Variants in DNM3 observed in about 807,000 individuals in gnomAD.
The protein encoded by DNM3 is dynamin 3, also known as dynamin-3.
DNM3 carries 47 observed loss-of-function variants against 101.6 expected under a neutral mutation model. The observed-to-expected ratio is 0.46, with a 90% CI of 0.37 to 0.59. The LOEUF (loss-of-function observed/expected upper bound fraction) is 0.59, where lower values mean the gene tolerates loss of function less well. DNM3 is among the 20% of genes least tolerant of loss of function. The probability of loss-of-function intolerance (pLI) is 0.00; values close to 1 mark genes in which losing one functional copy is unlikely to be tolerated. For missense variants in DNM3, 849 were observed against 1,085.7 expected (o/e 0.78, Z 3.06); for synonymous variants, 385 against 387.9 (o/e 0.99, Z 0.09).
At chr1:171,932,066 TCCTCCCTC>T (rs1338425432) in intron 2 of DNM3, among the ~76,000 whole-genome samples, 1 of 78,702 alleles carries the variant, frequency 1.3e-5, no homozygotes, top group Non-Finnish European at 2.4e-5. Flanking sequence ...CTCCCTCCAT[TCCTCCCTC>T]CCTCCCTCCC....
intron 20 of DNM3, among the ~76,000 whole-genome samples, chr1:172,398,770 T>C (rs2070228128): frequency 1.3e-5 from 2 of 152,134 alleles, no homozygotes; most frequent in Admixed American, 1.3e-4. Flanking sequence ...AGACATATGG[T>C]TTTCATAGAT....
intron 4 of DNM3, among the ~76,000 whole-genome samples, chr1:172,015,183 A>C (rs1268382997): frequency 1.3e-5 from 2 of 152,208 alleles, no homozygotes; most frequent in East Asian, 3.9e-4. Flanking sequence ...GCTTTATTGT[A>C]AGTCTTAAAG....
intron 15 of DNM3, among the ~76,000 whole-genome samples, chr1:172,304,494 G>C (rs1049473815): frequency 7.2e-5 from 11 of 152,042 alleles, no homozygotes; most frequent in African/African-American, 2.4e-4. Context: ...GGTTAACAAG[G>C]ATATCAAGGA....
At chr1:172,303,669 A>G (rs1284453629) in intron 15 of DNM3, among the ~76,000 whole-genome samples, 1 of 152,266 alleles carries the variant, frequency 6.6e-6, no homozygotes, top group East Asian at 1.9e-4. Context: ...CATCAGACTA[A>G]CAGCGGATCT....
At chr1:172,324,031 T>G (rs1265315971) in intron 17 of DNM3, among the ~76,000 whole-genome samples, 1 of 152,210 alleles carries the variant, frequency 6.6e-6, no homozygotes, top group Non-Finnish European at 1.5e-5. Flanking sequence ...AATGAGCAAT[T>G]TAATAGTTCA....
intron 17 of DNM3, among the ~76,000 whole-genome samples, chr1:172,354,135 G>GAGAGAGAGAGAGAGAGAGAA (rs1474471327): frequency 1.3e-5 from 2 of 150,464 alleles, no homozygotes; most frequent in Non-Finnish European, 3.0e-5. Flanking sequence ...GAGAGAGAGA[G>GAGAGAGAGAGAGAGAGAGAA]AGAGAGAAAT....
In DNM3 at chr1:172,113,330, A is replaced by G. The variant is rs978246185; in HGVS notation, c.1546-17845A>G. Reference sequence around the variant, plus strand: ...TCACCACAATTCTATAAGGGGATATACTATTATTAGCTCTTTCTGCCACTC... The same window carrying G: ...TCACCACAATTCTATAAGGGGATATGCTATTATTAGCTCTTTCTGCCACTC... On this transcript the variant is annotated intron_variant, in intron 13 of 20. Transcript: ENST00000627582. Among the ~76,000 whole-genome samples, 5 of 152,148 alleles carry G rather than the reference A, an allele frequency of 3.3e-5. No homozygotes were observed. In the South Asian group the frequency reaches 6.2e-4, roughly 19 times the overall value.
chr1:171,983,974 A>T (rs574790308), intron 2 of DNM3, among the ~76,000 whole-genome samples: 91 of 152,166 alleles, frequency 6.0e-4, no homozygotes, highest in Non-Finnish European at 1.0e-3. Context: ...TCTTCCCTTC[A>T]GTCTTTTTCT....
At chr1:172,062,966 G>A (rs2051360989) in intron 10 of DNM3, among the ~76,000 whole-genome samples, 1 of 152,168 alleles carries the variant, frequency 6.6e-6, no homozygotes, top group African/African-American at 2.4e-5. Context: ...GTTGGGTTGG[G>A]TGGGTGGTTA....
chr1:172,187,093 A>G (rs1419095332), intron 14 of DNM3, among the ~76,000 whole-genome samples: 3 of 152,012 alleles, frequency 2.0e-5, no homozygotes, highest in African/African-American at 7.2e-5. Context: ...GAACCTCACA[A>G]CTTTATGTCA....
At chr1:172,110,525 G>A (rs1008127563) in intron 13 of DNM3, among the ~76,000 whole-genome samples, 2 of 151,946 alleles carry the variant, frequency 1.3e-5, no homozygotes, top group Admixed American at 1.3e-4. Flanking sequence ...TTTAAAATCT[G>A]GAATTAAATC....
chr1:171,857,975 C>T (rs913552759), intron 1 of DNM3, among the ~76,000 whole-genome samples: 2 of 152,146 alleles, frequency 1.3e-5, no homozygotes, highest in East Asian at 3.9e-4. Flanking sequence ...AGAAGGCAAC[C>T]ATCATCAAGT....
rs1269933787 is a variant in DNM3, at chr1:172,282,526, C to T, written c.1770-26202C>T. ...TGCAATGTCTACATTCCTTCCATCA[C>T]ATCATACTAATTCTTATAGAAACCT... On this transcript the variant is annotated intron_variant, in intron 15 of 20. Transcript: ENST00000627582. Among the ~76,000 whole-genome samples, 6 of 152,092 alleles carry T rather than the reference C, an allele frequency of 3.9e-5. 1 individual carries two copies. Among genetic ancestry groups the T allele is most frequent in the Non-Finnish European group, 7.3e-5 (5 of 68,034 alleles).
intron 14 of DNM3, among the ~76,000 whole-genome samples, chr1:172,196,176 A>C (rs950003384): frequency 6.6e-6 from 1 of 151,392 alleles, no homozygotes; most frequent in African/African-American, 2.4e-5. Flanking sequence ...CTGTTCTTGC[A>C]TTAGTTTGCT....
intron 2 of DNM3, among the ~76,000 whole-genome samples, chr1:171,961,552 G>A (rs2043210683): frequency 6.6e-6 from 1 of 152,140 alleles, no homozygotes; most frequent in African/African-American, 2.4e-5. Flanking sequence ...ATCTCAAAAA[G>A]TTAAACATAC....
At chr1:172,375,615 C>G (rs1156267123) in intron 17 of DNM3, among the ~76,000 whole-genome samples, 1 of 151,978 alleles carries the variant, frequency 6.6e-6, no homozygotes, top group Non-Finnish European at 1.5e-5. Context: ...AAACAAAACA[C>G]CTGAAAGACA....
At chr1:172,106,428 AAGAG>A (rs1193987049) in intron 13 of DNM3, among the ~76,000 whole-genome samples, 1 of 152,010 alleles carries the variant, frequency 6.6e-6, no homozygotes, top group Non-Finnish European at 1.5e-5. Context: ...AAGAGAGAGA[AAGAG>A]AGAAAGAAAG....
At position 172,302,587 on chromosome 1, in the gene DNM3, T is replaced by C. The variant is rs533694254; in HGVS notation, c.1770-6141T>C. Reference sequence around the variant, plus strand: ...CCTCCTCAAGTGGGTCCATGACCCCTGTGTAGCCTAACTGGGAGACACCTC... The same window carrying C: ...CCTCCTCAAGTGGGTCCATGACCCCCGTGTAGCCTAACTGGGAGACACCTC... On this transcript the variant is annotated intron_variant, in intron 15 of 20. Transcript: ENST00000627582. Among the ~76,000 whole-genome samples the C allele has an allele frequency of 7.0e-3, 1,062 of 152,320 alleles. 9 individuals are homozygous for C. The highest frequency in any genetic ancestry group is 0.024 in the African/African-American group (1,006 of 41,566).
intron 14 of DNM3, among the ~76,000 whole-genome samples, chr1:172,202,660 G>A (rs1221753012): frequency 6.6e-6 from 1 of 152,274 alleles, no homozygotes; most frequent in South Asian, 2.1e-4. Flanking sequence ...GAAATGAACT[G>A]AATTTCTCCA....
Sources: gnomAD v4.1 joint callset for allele counts (sites outside exome capture counted in the v4.1 genomes callset) on GRCh38, gnomAD v4.1.1 for gene constraint, MANE v1.5 for transcripts, NCBI Gene and HGNC (gene_info 2026-07-23, HGNC 2026-07-21) for gene names.